The following PDE5A variants were observed in gnomAD, a reference collection of about 807,000 sequenced individuals.
PDE5A encodes the protein phosphodiesterase 5A, also known as cGMP-specific 3',5'-cyclic phosphodiesterase.
PDE5A carries 67 observed loss-of-function variants against 110.2 expected under a neutral mutation model. The ratio of observed to expected loss-of-function variants is 0.61; its 90% CI spans 0.50 to 0.75. PDE5A has a LOEUF of 0.75. PDE5A is among the 30% of genes least tolerant of loss of function. The pLI, the probability that PDE5A is intolerant of heterozygous loss-of-function variation, is 0.00. For synonymous variants in PDE5A, 328 were observed against 351.2 expected, an observed-to-expected ratio of 0.93 and a Z score of 0.74; for missense variants, 862 against 1,045.1, an observed-to-expected ratio of 0.82 and a Z score of 2.42.
intron 7 of PDE5A, among the ~76,000 whole-genome samples, chr4:119,555,054 G>A (rs1727490614): frequency 6.6e-6 from 1 of 152,168 alleles, no homozygotes; most frequent in Non-Finnish European, 1.5e-5. Context: ...ACCTGACCCA[G>A]CTGCTTCTTG....
intron 3 of PDE5A, among the ~76,000 whole-genome samples, chr4:119,590,880 TG>T (rs571219984): frequency 9.7e-4 from 148 of 152,298 alleles, no homozygotes; most frequent in African/African-American, 3.5e-3. Flanking sequence ...TAAAAACCAG[TG>T]TCACTGAAAG....
At chr4:119,610,819 A>G (rs1729714996) in intron 1 of PDE5A, among the ~76,000 whole-genome samples, 1 of 152,156 alleles carries the variant, frequency 6.6e-6, no homozygotes, top group African/African-American at 2.4e-5. Flanking sequence ...ACCCTGGTCC[A>G]AACCCCACTA....
chr4:119,495,038 T>A lies in PDE5A; in HGVS notation c.*3563A>T, dbSNP rs772824594. ...CAAGAATACAAAACTCCTAAAGTGTTCTTCAACTATCAGCAGGTTAAGTGA... is the reference window on the plus strand; with the variant it reads ...CAAGAATACAAAACTCCTAAAGTGTACTTCAACTATCAGCAGGTTAAGTGA... On this transcript the variant is annotated 3_prime_UTR_variant, in exon 21 of 21. Coordinates refer to ENST00000354960, the MANE Select transcript of PDE5A (RefSeq NM_001083.4). The A allele has an allele frequency of 1.3e-5, 2 of 152,550 alleles. No individual in the cohort carries two copies. The highest frequency in any genetic ancestry group is 2.9e-5 in the Non-Finnish European group (2 of 68,020). The allele number at this position is 152,550 out of a possible 1,614,324, so 9.4% of individuals were successfully genotyped here.
At chr4:119,523,958 C>T (rs1422672459) in intron 12 of PDE5A, among the ~76,000 whole-genome samples, 3 of 151,932 alleles carry the variant, frequency 2.0e-5, no homozygotes, top group African/African-American at 7.2e-5. Flanking sequence ...TTCATCTCAT[C>T]AATAGATACG....
At chr4:119,552,717 G>T in intron 8 of PDE5A, 80 bp from the exon 9 acceptor site, 1 of 701,606 alleles carries the variant, frequency 1.4e-6, no homozygotes, top group Non-Finnish European at 2.3e-6. Flanking sequence ...TAAACTATAT[G>T]ACACATTTGA....
At chr4:119,500,263 T>TTG (rs560981689) in intron 20 of PDE5A, 1 of 63,472 alleles carries the variant, frequency 1.6e-5, no homozygotes, top group Non-Finnish European at 3.6e-5. Context: ...TGACACCTAG[T>TTG]TTTTTTTTTT....
chr4:119,598,946 C>A (rs1265725460), intron 2 of PDE5A, among the ~76,000 whole-genome samples: 2 of 152,136 alleles, frequency 1.3e-5, no homozygotes, highest in African/African-American at 2.4e-5. Flanking sequence ...CAAAAATTAC[C>A]TGCTGAAGGC....
At chr4:119,595,973 A>G (rs1729138903) in intron 3 of PDE5A, among the ~76,000 whole-genome samples, 1 of 152,098 alleles carries the variant, frequency 6.6e-6, no homozygotes, top group Non-Finnish European at 1.5e-5. Context: ...CTTTTTTCCA[A>G]ATAAGTGTAA....
intron 1 of PDE5A, among the ~76,000 whole-genome samples, chr4:119,626,852 C>G (rs997492635): frequency 6.6e-6 from 1 of 152,056 alleles, no homozygotes. Flanking sequence ...AATCCCGGAG[C>G]CTTCCCCTCT....
intron 9 of PDE5A, chr4:119,549,048 T>C (rs762325233): frequency 6.6e-6 from 1 of 152,238 alleles, no homozygotes; most frequent in Admixed American, 6.5e-5. Flanking sequence ...CTTGGAATTC[T>C]ACTGCAACAC....
intron 3 of PDE5A, among the ~76,000 whole-genome samples, chr4:119,580,275 T>A (rs79076219): frequency 6.6e-6 from 1 of 152,286 alleles, no homozygotes; most frequent in Non-Finnish European, 1.5e-5. Flanking sequence ...CTCTTAAACC[T>A]AGAACTAAAG....
chr4:119,576,729 G>A (rs1728365922), intron 3 of PDE5A, among the ~76,000 whole-genome samples: 2 of 151,978 alleles, frequency 1.3e-5, no homozygotes, highest in South Asian at 2.1e-4. Flanking sequence ...CCCACAAGAG[G>A]AAGCAGGAAA....
At chr4:119,625,506 C>T (rs191599921) in intron 1 of PDE5A, among the ~76,000 whole-genome samples, 4 of 152,114 alleles carry the variant, frequency 2.6e-5, no homozygotes, top group African/African-American at 4.8e-5. Context: ...GCATGAATGT[C>T]GAATGACAAC....
intron 3 of PDE5A, among the ~76,000 whole-genome samples, chr4:119,587,401 G>C: frequency 6.8e-6 from 1 of 147,044 alleles, no homozygotes. Context: ...TTTTGAGACG[G>C]AGTCTCGCTC....
intron 9 of PDE5A, among the ~76,000 whole-genome samples, chr4:119,544,234 C>G (rs928392478): frequency 2.0e-5 from 3 of 152,044 alleles, no homozygotes; most frequent in Non-Finnish European, 4.4e-5. Flanking sequence ...CCTTTTTGCT[C>G]TTTTTGTTTG....
chr4:119,500,911 G>A, intron 20 of PDE5A: 3 of 450,966 alleles, frequency 6.7e-6, no homozygotes, highest in Non-Finnish European at 1.2e-5. Context: ...CTCCTTGAGG[G>A]TAACACTGGC....
chr4:119,622,576 C>A (rs1730186584), intron 1 of PDE5A, among the ~76,000 whole-genome samples: 1 of 151,974 alleles, frequency 6.6e-6, no homozygotes, highest in African/African-American at 2.4e-5. Flanking sequence ...GAAAATATAT[C>A]TTTAAAAGCT....
chr4:119,536,324 TAG>T (rs1192543729), intron 11 of PDE5A, among the ~76,000 whole-genome samples: 1 of 152,158 alleles, frequency 6.6e-6, no homozygotes, highest in Non-Finnish European at 1.5e-5. Flanking sequence ...CATATAATGA[TAG>T]AGTGTAACCC....
rs1313501494 is a variant in PDE5A at position 119,628,760 on chromosome 4, G to A, written c.-89C>T. The A allele has an allele frequency of 1.3e-6, 2 of 1,539,938 alleles. No homozygotes were observed. Among genetic ancestry groups the A allele is most frequent in the South Asian group, 2.3e-5 (2 of 86,734 alleles). On this transcript the variant is annotated 5_prime_UTR_variant, in exon 1 of 21. Coordinates refer to ENST00000354960, the MANE Select transcript of PDE5A (RefSeq NM_001083.4). ...CCTCAGAAGAACAGGACTCGGCCTC[G>A]AGACCCTCCCCCTTCGTCCTGCTCC...
Sources: gnomAD v4.1 joint callset for allele counts (sites outside exome capture counted in the v4.1 genomes callset) on GRCh38, gnomAD v4.1.1 for gene constraint, MANE v1.5 for transcripts, NCBI Gene and HGNC (gene_info 2026-07-23, HGNC 2026-07-21) for gene names.